Variants in AGBL4 observed in about 807,000 individuals in gnomAD.
AGBL4 encodes the protein cytosolic carboxypeptidase 6.
AGBL4 carries 58 observed loss-of-function variants against 66.4 expected under a neutral mutation model. The observed-to-expected ratio is 0.87, with a 90% CI of 0.71 to 1.09. The LOEUF (loss-of-function observed/expected upper bound fraction) is 1.09, where lower values mean the gene tolerates loss of function less well. AGBL4 is among the 50% of genes least tolerant of loss of function. The pLI is 0.00. For missense variants in AGBL4, 579 were observed against 631.0 expected (o/e 0.92, Z 0.88); for synonymous variants, 234 against 222.9 (o/e 1.05, Z -0.44).
intron 2 of AGBL4, among the ~76,000 whole-genome samples, chr1:49,722,982 A>ACT (rs1648725863): frequency 6.6e-6 from 1 of 152,012 alleles, no homozygotes; most frequent in South Asian, 2.1e-4. Context: ...TACTATATGA[A>ACT]CTCTACACTG....
At chr1:48,555,189 C>CT (rs11285905) in intron 11 of AGBL4, among the ~76,000 whole-genome samples, 30 of 148,900 alleles carry the variant, frequency 2.0e-4, no homozygotes, top group East Asian at 5.9e-4. Context: ...GTAAGATTGT[C>CT]TTTTTTTTTT....
At chr1:49,841,894 C>T (rs754443189) in intron 2 of AGBL4, 30 of 628,410 alleles carry the variant, frequency 4.8e-5, no homozygotes, top group African/African-American at 7.4e-5. Flanking sequence ...GGGCATGACC[C>T]CTGGGCTGCC....
At chr1:49,273,392 G>A (rs909910143) in intron 3 of AGBL4, among the ~76,000 whole-genome samples, 5 of 150,818 alleles carry the variant, frequency 3.3e-5, no homozygotes, top group Non-Finnish European at 5.9e-5. Flanking sequence ...GAATATAAAC[G>A]TGGTTTTTGT....
chr1:49,395,535 TGTGTGTG>T (rs1644940405), intron 3 of AGBL4, among the ~76,000 whole-genome samples: 1 of 122,324 alleles, frequency 8.2e-6, no homozygotes, highest in Non-Finnish European at 1.8e-5. Flanking sequence ...CAAACACTAG[TGTGTGTG>T]TGTGTGTGTG....
At chr1:49,165,371 A>C (rs1437389210) in intron 4 of AGBL4, among the ~76,000 whole-genome samples, 1 of 152,144 alleles carries the variant, frequency 6.6e-6, no homozygotes, top group Non-Finnish European at 1.5e-5. Context: ...CTTCAAGAAA[A>C]ACTTTTTACA....
At chr1:49,557,196 A>G (rs1324569016) in intron 3 of AGBL4, among the ~76,000 whole-genome samples, 2 of 152,202 alleles carry the variant, frequency 1.3e-5, no homozygotes, top group Non-Finnish European at 2.9e-5. Flanking sequence ...AAGTGCTGCC[A>G]GAGCGGACGC....
chr1:48,895,315 A>C (rs1651394938), intron 5 of AGBL4, among the ~76,000 whole-genome samples: 1 of 152,232 alleles, frequency 6.6e-6, no homozygotes, highest in Non-Finnish European at 1.5e-5. Context: ...AGTGGTCAAC[A>C]TGGCCATGAT....
At chr1:48,733,487 A>G (rs1463561535) in intron 6 of AGBL4, among the ~76,000 whole-genome samples, 1 of 152,232 alleles carries the variant, frequency 6.6e-6, no homozygotes, top group African/African-American at 2.4e-5. Flanking sequence ...GCGAACTATC[A>G]TATTTGGAAA....
At chr1:49,551,683 G>T (rs1652966033) in intron 3 of AGBL4, among the ~76,000 whole-genome samples, 1 of 152,210 alleles carries the variant, frequency 6.6e-6, no homozygotes, top group African/African-American at 2.4e-5. Flanking sequence ...ACCATCACCT[G>T]TTCCAGTGGA....
At position 49,559,719 on chromosome 1, in the gene AGBL4, T is replaced by A. The variant is rs997960408; in HGVS notation, c.282+137594A>T. The stretch of plus-strand genomic sequence containing the variant: ...TGGAGTCTTGAACTTACACCAGTGG[T>A]TTGCCAGGGGCTCTTAAGCCTTCAG... On this transcript the variant is annotated intron_variant, in intron 3 of 13. Coordinates refer to ENST00000371839, the MANE Select transcript of AGBL4 (RefSeq NM_032785.4). 6.6e-5 allele frequency among the ~76,000 whole-genome samples: 10 copies of A among 152,130 alleles called. 1 individual carries two copies. Among genetic ancestry groups the A allele is most frequent in the African/African-American group, 2.2e-4 (9 of 41,440 alleles).
chr1:49,830,546 A>G (rs1298101879), intron 2 of AGBL4, among the ~76,000 whole-genome samples: 3 of 152,026 alleles, frequency 2.0e-5, no homozygotes, highest in Non-Finnish European at 2.9e-5. Flanking sequence ...TTTTTCTCCA[A>G]TTTTGTGAGT....
At chr1:49,224,194 T>C (rs1286493881) in intron 4 of AGBL4, among the ~76,000 whole-genome samples, 1 of 152,204 alleles carries the variant, frequency 6.6e-6, no homozygotes, top group African/African-American at 2.4e-5. Context: ...GGAAGTCTAT[T>C]TCATAAAGAT....
In AGBL4 at chr1:49,369,851, T is replaced by C. The variant is rs557388455; in HGVS notation, c.283-123987A>G. ...GCTTATGATGAAATTAACATTTACA[T>C]TGGTGAACTTTAGATAAAGCTCACG... is the stretch of plus-strand genomic sequence containing the variant. On this transcript the variant is annotated intron_variant, in intron 3 of 13. Coordinates refer to ENST00000371839, the MANE Select transcript of AGBL4 (RefSeq NM_032785.4). 2.2e-3 allele frequency among the ~76,000 whole-genome samples: 337 copies of C among 152,118 alleles called. 1 individual carries two copies. Among genetic ancestry groups the C allele is most frequent in the African/African-American group, 7.3e-3 (305 of 41,524 alleles).
chr1:49,045,980 T>C (rs1644069830), intron 4 of AGBL4, among the ~76,000 whole-genome samples, 180 bp from the exon 5 acceptor site: 1 of 152,200 alleles, frequency 6.6e-6, no homozygotes. Context: ...CTGGCAGCTC[T>C]TTGCTCACAA....
intron 6 of AGBL4, among the ~76,000 whole-genome samples, chr1:48,711,862 C>T (rs982320367): frequency 6.6e-6 from 1 of 152,136 alleles, no homozygotes; most frequent in African/African-American, 2.4e-5. Flanking sequence ...TGTCCTGTTC[C>T]AATCCTCCAC....
chr1:48,950,307 C>T (rs1450985998), intron 5 of AGBL4, among the ~76,000 whole-genome samples: 3 of 152,014 alleles, frequency 2.0e-5, no homozygotes, highest in Non-Finnish European at 4.4e-5. Context: ...ACCATGTTGA[C>T]CAGGCTGGTC....
chr1:49,876,985 T>A (rs1386250434), intron 1 of AGBL4, among the ~76,000 whole-genome samples: 3 of 151,696 alleles, frequency 2.0e-5, no homozygotes, highest in Admixed American at 2.0e-4. Context: ...ATAGGAATGC[T>A]TGTGATTTTT....
chr1:49,551,950 G>A (rs767315253), intron 3 of AGBL4, among the ~76,000 whole-genome samples: 7 of 152,254 alleles, frequency 4.6e-5, no homozygotes, highest in East Asian at 1.9e-4. Context: ...GCTCAGACTC[G>A]CCTTAGGTGG....
chr1:49,911,499 C>T (rs1650826793), intron 1 of AGBL4, among the ~76,000 whole-genome samples: 1 of 152,138 alleles, frequency 6.6e-6, no homozygotes, highest in Non-Finnish European at 1.5e-5. Context: ...CTACTCTGAA[C>T]TTCAAATCAA....
Sources: gnomAD v4.1 joint callset for allele counts (sites outside exome capture counted in the v4.1 genomes callset) on GRCh38, gnomAD v4.1.1 for gene constraint, MANE v1.5 for transcripts, NCBI Gene and HGNC (gene_info 2026-07-23, HGNC 2026-07-21) for gene names.